The following RAD51B variants were observed in gnomAD, a reference collection of about 807,000 sequenced individuals.
The protein encoded by RAD51B is DNA repair protein RAD51 homolog 2.
RAD51B carries 38 observed loss-of-function variants against 42.2 expected under a neutral mutation model. The ratio of observed to expected loss-of-function variants is 0.90; its 90% confidence interval spans 0.70 to 1.18. RAD51B has a LOEUF of 1.18. Among genes scored for constraint, RAD51B ranks in the 50% most tolerant of loss-of-function variants. RAD51B has a pLI of 0.00. For synonymous variants in RAD51B, 154 were observed against 145.2 expected (o/e 1.06, Z -0.43); for missense variants, 373 against 400.7 (o/e 0.93, Z 0.59).
chr14:68,049,918 CTT>C (rs1433558394), intron 7 of RAD51B, among the ~76,000 whole-genome samples: 1 of 152,194 alleles, frequency 6.6e-6, no homozygotes, highest in Non-Finnish European at 1.5e-5. Context: ...CAACCTTACA[CTT>C]TTATTTCCGG....
At chr14:68,202,836 C>T (rs953956454) in intron 7 of RAD51B, among the ~76,000 whole-genome samples, 5 of 152,060 alleles carry the variant, frequency 3.3e-5, no homozygotes, top group Non-Finnish European at 7.4e-5. Context: ...CCCACCTCAG[C>T]CTCACAAAGT....
At chr14:67,976,355 C>T (rs1047573838) in intron 7 of RAD51B, among the ~76,000 whole-genome samples, 3 of 152,056 alleles carry the variant, frequency 2.0e-5, no homozygotes, top group South Asian at 2.1e-4. Context: ...TGGGCTCAAG[C>T]GATCCTCTCA....
downstream of RAD51B, among the ~76,000 whole-genome samples, chr14:68,613,690 G>A (rs560868086): frequency 1.2e-4 from 18 of 152,036 alleles, no homozygotes; most frequent in Middle Eastern, 6.8e-3. Flanking sequence ...TCCTGACTTT[G>A]TGATCCACCC....
At chr14:68,450,772 C>T (rs946043475) in intron 9 of RAD51B, among the ~76,000 whole-genome samples, 4 of 152,000 alleles carry the variant, frequency 2.6e-5, no homozygotes, top group Admixed American at 6.6e-5. Context: ...GTGTACCAAC[C>T]GGGAAAGAGA....
intron 7 of RAD51B, among the ~76,000 whole-genome samples, chr14:68,065,746 C>T (rs939663015): frequency 6.6e-6 from 1 of 152,058 alleles, no homozygotes; most frequent in Admixed American, 6.6e-5. Flanking sequence ...ATGGAGCACC[C>T]TGGGCAGCTT....
At chr14:68,272,635 T>TATATATATATATA (rs2081129376) in intron 7 of RAD51B, among the ~76,000 whole-genome samples, 3 of 19,850 alleles carry the variant, frequency 1.5e-4, no homozygotes, top group Non-Finnish European at 8.8e-5. Flanking sequence ...TATAAACACT[T>TATATATATATATA]TATATATATA....
intron 7 of RAD51B, among the ~76,000 whole-genome samples, chr14:68,025,308 C>T (rs1051820469): frequency 1.3e-5 from 2 of 151,532 alleles, no homozygotes; most frequent in African/African-American, 4.8e-5. Context: ...AAGTTTGCTA[C>T]GTTTATTATG....
At chr14:68,092,722 A>C (rs1297500273) in intron 7 of RAD51B, among the ~76,000 whole-genome samples, 2 of 152,104 alleles carry the variant, frequency 1.3e-5, no homozygotes, top group Non-Finnish European at 2.9e-5. Flanking sequence ...CCTGACCAGA[A>C]CTTCCAACAC....
downstream of RAD51B, among the ~76,000 whole-genome samples, chr14:68,599,052 C>T (rs909547645): frequency 6.6e-6 from 1 of 152,194 alleles, no homozygotes; most frequent in Non-Finnish European, 1.5e-5. Context: ...GGCCGACTTT[C>T]ATCTCCTGCG....
chr14:68,420,663 A>G (rs73276281), intron 9 of RAD51B, among the ~76,000 whole-genome samples: 28,231 of 152,154 alleles, frequency 0.19, 3,010 homozygotes, highest in Non-Finnish European at 0.25. Context: ...ACCAGAGATC[A>G]TGTTCATCAT....
At chr14:67,921,886 TG>T (rs973939296) in intron 7 of RAD51B, among the ~76,000 whole-genome samples, 4 of 152,064 alleles carry the variant, frequency 2.6e-5, no homozygotes, top group African/African-American at 9.7e-5. Context: ...TGAGTGTTTA[TG>T]GGTGTGTGTG....
At chr14:68,235,217 G>T (rs899166604) in intron 7 of RAD51B, among the ~76,000 whole-genome samples, 1 of 151,904 alleles carries the variant, frequency 6.6e-6, no homozygotes, top group African/African-American at 2.4e-5. Flanking sequence ...CCACAACCAC[G>T]TGAGTAATAT....
intron 7 of RAD51B, among the ~76,000 whole-genome samples, chr14:68,096,862 T>C (rs1413763277): frequency 6.6e-6 from 1 of 152,240 alleles, no homozygotes; most frequent in Non-Finnish European, 1.5e-5. Flanking sequence ...TATGTTCCTG[T>C]TTGATTTCAT....
At chr14:68,422,416 C>T (rs1055535002) in intron 9 of RAD51B, among the ~76,000 whole-genome samples, 1 of 151,954 alleles carries the variant, frequency 6.6e-6, no homozygotes, top group Non-Finnish European at 1.5e-5. Context: ...CAAAAATTAG[C>T]CAAGTATGGT....
chr14:68,677,260 T>C (rs1893327059), intron 11 of RAD51B, among the ~76,000 whole-genome samples: 1 of 152,096 alleles, frequency 6.6e-6, no homozygotes, highest in African/African-American at 2.4e-5. Context: ...GAGGACCCCA[T>C]CAGTATCCAG....
chr14:68,357,491 T>C (rs952590994), intron 8 of RAD51B, among the ~76,000 whole-genome samples: 1 of 152,060 alleles, frequency 6.6e-6, no homozygotes, highest in Non-Finnish European at 1.5e-5. Flanking sequence ...GAATGGCATC[T>C]AGAATGCTGA....
intron 10 of RAD51B, among the ~76,000 whole-genome samples, chr14:68,494,579 T>TTTC (rs1408263622): frequency 6.6e-6 from 1 of 152,174 alleles, no homozygotes; most frequent in Non-Finnish European, 1.5e-5. Flanking sequence ...GGGCACTTTC[T>TTTC]TTCCACTGTA....
At chr14:67,971,751 G>A (rs1166717961) in intron 7 of RAD51B, among the ~76,000 whole-genome samples, 6 of 151,844 alleles carry the variant, frequency 4.0e-5, no homozygotes, top group Admixed American at 3.3e-4. Context: ...ATAGTTGGAC[G>A]TTTATTCTCC....
chr14:68,061,363 C>T (rs2076566833), intron 7 of RAD51B, among the ~76,000 whole-genome samples: 1 of 152,128 alleles, frequency 6.6e-6, no homozygotes, highest in Non-Finnish European at 1.5e-5. Context: ...GCCACCACGC[C>T]CAGCTATTTG....
Sources: gnomAD v4.1 joint callset for allele counts (sites outside exome capture counted in the v4.1 genomes callset) on GRCh38, gnomAD v4.1.1 for gene constraint, MANE v1.5 for transcripts, NCBI Gene and HGNC (gene_info 2026-07-23, HGNC 2026-07-21) for gene names.